Variants in LTA observed in about 807,000 individuals in gnomAD.
LTA encodes the protein lymphotoxin-alpha.
Under a neutral mutation model 15.1 loss-of-function variants are expected in LTA, and 6 were observed. That is an observed-to-expected ratio of 0.40 (90% CI 0.22 to 0.78). The LOEUF (loss-of-function observed/expected upper bound fraction) is 0.78. Among genes scored for constraint, LTA ranks in the 30% least tolerant of loss-of-function variants. The probability of loss-of-function intolerance (pLI) is 0.38; values close to 1 mark genes in which losing one functional copy is unlikely to be tolerated. For synonymous variants in LTA, 87 were observed against 107.3 expected (o/e 0.81, Z 1.17); for missense variants, 173 against 249.5 (o/e 0.69, Z 2.06).
Position 31,573,691 on chromosome 6 carries a change from T to C in LTA, c.616T>C (p.Ter206GlnextTer10). The C allele has an allele frequency of 6.2e-7, 1 of 1,613,814 alleles. No homozygotes were observed. Among genetic ancestry groups the C allele is most frequent in the Non-Finnish European group, 8.5e-7 (1 of 1,179,860 alleles). Residue 206 changes from the stop codon to glutamine, a stop_lost, in exon 4 of 4, where the codon TAG (stop) becomes CAG (glutamine). Transcript: ENST00000418386. ...TGTCTTCTTTGGAGCCTTCGCTCTG[T>C]AGAACTTGGAAAAATCCAGAAAGAA... The part of the protein sequence containing the change: ...STVFFGAFAL[*>Q]
the LTA span, among the ~76,000 whole-genome samples, chr6:31,563,788 A>G: frequency 6.6e-6 from 1 of 152,088 alleles, no homozygotes; most frequent in South Asian, 2.1e-4. Flanking sequence ...TTGTATTTTT[A>G]GTAGAGATGG....
chr6:31,573,114 C>T, intron 3 of LTA, 81 bp downstream of exon 3: 1 of 1,313,310 alleles, frequency 7.6e-7, no homozygotes, highest in Non-Finnish European at 1.1e-6. Flanking sequence ...GCATCCACCC[C>T]TCTCCCCCAA....
the LTA span, among the ~76,000 whole-genome samples, chr6:31,566,106 A>G: frequency 1.3e-5 from 2 of 151,604 alleles, no homozygotes; most frequent in Non-Finnish European, 2.9e-5. Context: ...TGAACCTGGG[A>G]GGTGGAAGTT....
At chr6:31,572,864 G>T (rs1385774395) in intron 2 of LTA, 23 bp downstream of exon 2, 9 of 1,610,832 alleles carry the variant, frequency 5.6e-6, no homozygotes, top group Non-Finnish European at 5.9e-6. Flanking sequence ...GAGAATGGGG[G>T]CTGCTGGGGT....
the LTA span, among the ~76,000 whole-genome samples, chr6:31,562,913 C>T: frequency 3.3e-5 from 5 of 149,688 alleles, no homozygotes; most frequent in East Asian, 4.0e-4. Context: ...GTAATCCCAG[C>T]GCTTTGGGAG....
chr6:31,572,691 C>T (rs566842967), intron 1 of LTA, 43 bp from the exon 2 acceptor site: 42 of 1,466,108 alleles, frequency 2.9e-5, no homozygotes, highest in South Asian at 1.5e-4. Flanking sequence ...CCGCGTGCCC[C>T]GCCCCGCTCA....
At chr6:31,571,649 T>C (rs1057231257), upstream of LTA, among the ~76,000 whole-genome samples, 2 of 152,188 alleles carry the variant, frequency 1.3e-5, no homozygotes, top group African/African-American at 4.8e-5. Flanking sequence ...TCCAGCATCA[T>C]CTCTGAGTAA....
chr6:31,573,634 G>T lies in LTA; in HGVS notation c.559G>T (p.Gly187Cys). ...AGACCAGCTATCCACCCACACAGAT[G>T]GCATCCCCCACCTAGTCCTCAGCCC... The part of the protein sequence containing the change: ...QGDQLSTHTD[G>C]IPHLVLSPST... The change falls in exon 4 of 4, where the codon GGC becomes TGC. Residue 187 changes from glycine (G) to cysteine (C), a missense_variant. Gly to Cys is a radical substitution (Grantham distance 159, BLOSUM62 -3). Transcript: ENST00000418386. 6.2e-7 allele frequency: 1 copy of T among 1,613,902 alleles called. No homozygotes were observed. Among genetic ancestry groups the T allele is most frequent in the Non-Finnish European group, 8.5e-7 (1 of 1,179,880 alleles).
At position 31,574,045 on chromosome 6, in the gene LTA, G is replaced by A; in HGVS notation, c.*352G>A. 2.0e-6 allele frequency: 1 copy of A among 488,646 alleles called. No individual in the cohort carries two copies. Among genetic ancestry groups the A allele is most frequent in the Non-Finnish European group, 3.7e-6 (1 of 267,652 alleles). 30.3% of individuals were successfully genotyped at this position (488,646 alleles called of 1,614,324 possible). A position where few individuals can be genotyped will look rare whatever the true frequency, so the allele number is the denominator to read the frequency against. On this transcript the variant is annotated 3_prime_UTR_variant, in exon 4 of 4. Transcript: ENST00000418386. ...CTTGGGGGATGACTAGAGGCAGGGA[G>A]GGGACTATTTATGAAGGCAAAAAAA...
At chr6:31,564,249 A>G in the LTA span, among the ~76,000 whole-genome samples, 1 of 151,864 alleles carries the variant, frequency 6.6e-6, no homozygotes, top group Non-Finnish European at 1.5e-5. Context: ...AGACTGTAAG[A>G]CTCATCTGAT....
chr6:31,572,708 C>T, intron 1 of LTA, 26 bp from the exon 2 acceptor site: 3 of 1,212,710 alleles, frequency 2.5e-6, no homozygotes, highest in Non-Finnish European at 3.5e-6. Context: ...CTCACTGTCT[C>T]TCTCTCTCTC....
chr6:31,569,833 C>T (rs530823462), upstream of LTA, among the ~76,000 whole-genome samples: 1 of 151,834 alleles, frequency 6.6e-6, no homozygotes, highest in Admixed American at 6.6e-5. Context: ...TCTGACCTAT[C>T]TCATCTGATA....
the LTA span, among the ~76,000 whole-genome samples, chr6:31,563,278 A>G: frequency 1.3e-5 from 2 of 152,178 alleles, no homozygotes; most frequent in African/African-American, 2.4e-5. Context: ...GAAACAAGAA[A>G]AAGTACTGTG....
upstream of LTA, among the ~76,000 whole-genome samples, chr6:31,569,599 C>A (rs1023838023): frequency 6.6e-6 from 1 of 152,130 alleles, no homozygotes; most frequent in Admixed American, 6.5e-5. Flanking sequence ...TCAAGACCAA[C>A]CTGGCCAACA....
rs1770970663 is a variant in LTA at position 31,573,411 on chromosome 6, G to T, written c.336G>T (p.Gln112His). The T allele has an allele frequency of 1.2e-6, 2 of 1,614,124 alleles. No homozygotes were observed. The highest frequency in any genetic ancestry group is 1.7e-6 in the Non-Finnish European group (2 of 1,180,006). ...GTGGCATCTACTTCGTCTACTCCCA[G>T]GTGGTCTTCTCTGGGAAAGCCTACT... Reference protein sequence around the residue: ...PTSGIYFVYSQVVFSGKAYSP... With the variant: ...PTSGIYFVYSHVVFSGKAYSP... Residue 112 changes from glutamine (Q) to histidine (H), a missense_variant, in exon 4 of 4, where the codon CAG (glutamine) becomes CAT (histidine). Coordinates refer to ENST00000418386, the MANE Select transcript of LTA (RefSeq NM_000595.4).
upstream of LTA, among the ~76,000 whole-genome samples, chr6:31,568,882 A>G (rs770345675): frequency 6.6e-6 from 1 of 151,726 alleles, no homozygotes; most frequent in Non-Finnish European, 1.5e-5. The surrounding 1 kb of genome is among the most constrained non-coding windows in gnomAD (Gnocchi z 4.1). Context: ...ATGTCTCCCC[A>G]TCACCCTTCT....
Sources: allele counts gnomAD v4.1 joint callset (sites outside exome capture counted in the v4.1 genomes callset), GRCh38; gene constraint gnomAD v4.1.1; non-coding constraint Gnocchi (gnomAD v3.1); transcripts MANE v1.5; gene names NCBI Gene and HGNC (gene_info 2026-07-23, HGNC 2026-07-21).